TRPM4: variants seen among roughly 807,000 people sequenced by gnomAD.
TRPM4 encodes transient receptor potential cation channel subfamily M member 4.
Under a neutral mutation model 135.6 loss-of-function variants are expected in TRPM4, and 124 were observed. The ratio of observed to expected loss-of-function variants is 0.91; its 90% CI spans 0.79 to 1.06. The LOEUF is 1.06. Among genes scored for constraint, TRPM4 ranks in the 50% least tolerant of loss-of-function variants. The pLI, the probability that TRPM4 is intolerant of heterozygous loss-of-function variation, is 0.00. For synonymous variants in TRPM4, 745 were observed against 705.6 expected (o/e 1.06, Z -0.88); for missense variants, 1,658 against 1,671.4 (o/e 0.99, Z 0.14).
intron 17 of TRPM4, among the ~76,000 whole-genome samples, chr19:49,199,469 C>T (rs573867097): frequency 6.6e-6 from 1 of 152,240 alleles, no homozygotes; most frequent in East Asian, 1.9e-4. Flanking sequence ...CCGTGTTAGC[C>T]AAGATGTTCT....
At chr19:49,179,304 C>T (rs1245054433) in intron 9 of TRPM4, among the ~76,000 whole-genome samples, 3 of 152,052 alleles carry the variant, frequency 2.0e-5, no homozygotes, top group African/African-American at 7.2e-5. Flanking sequence ...ATTCGCCCAC[C>T]TCGGCCTCCC....
At position 49,200,671 on chromosome 19, in the gene TRPM4, G is replaced by T. The variant is rs762319315; in HGVS notation, c.2839G>T (p.Ala947Ser). ...CGTGTGGCTGGTAGCCTATGGCGTG[G>T]CCACGGAGGGGCTCCTGAGGCCACG... ...LGVWLVAYGV[A>S]TEGLLRPRDS... The change falls in exon 19 of 25, where the codon GCC becomes TCC. Residue 947 changes from alanine (A) to serine (S), a missense_variant. Transcript: ENST00000252826. 3.1e-6 allele frequency: 5 copies of T among 1,613,952 alleles called. No homozygotes were observed. The highest frequency in any genetic ancestry group is 4.2e-6 in the Non-Finnish European group (5 of 1,180,016).
At chr19:49,193,611 CAG>C (rs1315892307) in intron 16 of TRPM4, among the ~76,000 whole-genome samples, 1 of 152,098 alleles carries the variant, frequency 6.6e-6, no homozygotes, top group Non-Finnish European at 1.5e-5. Flanking sequence ...AAGATCCCCC[CAG>C]AGAGGCTGGG....
intron 1 of TRPM4, 84 bp from the exon 2 acceptor site, chr19:49,158,107 CG>C: frequency 7.1e-7 from 1 of 1,413,318 alleles, no homozygotes; most frequent in Non-Finnish European, 1.0e-6. Context: ...GGGGAGCGCA[CG>C]GGGTGGGTGG....
rs544853161 is a variant in TRPM4, at chr19:49,211,807, C to T, written c.*309C>T. ...CCCCTCACCACTCACAGATTCCTCA[C>T]ACTGGGGAAATAAAGCCATTTCAGA... On this transcript the variant is annotated 3_prime_UTR_variant, in exon 25 of 25. Transcript: ENST00000252826. This position sits in a 1 kb window ranked among gnomAD's most constrained non-coding sequence, Gnocchi z 4.8. 2.8e-5 allele frequency: 14 copies of T among 509,014 alleles called. No individual in the cohort carries two copies. The South Asian group carries it at 3.5e-4, about 13-fold the overall frequency. The allele number at this position is 509,014 out of a possible 1,614,324, so 31.5% of individuals were successfully genotyped here.
At position 49,182,893 on chromosome 19, in the gene TRPM4, C is replaced by CCTCACCCA; in HGVS notation, c.1580_1587dup (p.Gly530LeufsTer43). ...GTACCCCTCCGGGGGCGCCTGGGACCCTCACCCAGGCCAGGGCTTCGGGGA... is the reference window on the plus strand; with the variant it reads ...GTACCCCTCCGGGGGCGCCTGGGACCCTCACCCACTCACCCAGGCCAGGGCTTCGGGGA... On this transcript the variant is annotated frameshift_variant, in exon 11 of 25. Transcript: ENST00000252826. LOFTEE classifies it high-confidence loss of function. 1 of 1,599,936 alleles carries CCTCACCCA rather than the reference C, an allele frequency of 6.3e-7. No homozygotes were observed. The highest frequency in any genetic ancestry group is 2.2e-5 in the East Asian group (1 of 44,670).
In TRPM4 at chr19:49,172,118, G is replaced by T; in HGVS notation, c.1150+10G>T. The T allele has an allele frequency of 6.3e-7, 1 of 1,589,442 alleles. No homozygotes were observed. Among genetic ancestry groups the T allele is most frequent in the Non-Finnish European group, 8.6e-7 (1 of 1,157,738 alleles). ...AAGGCCCTTGTGAAGGGTAAAAGTTGTACCCTCCAGTCTTCCCCCTCTCTC... is the reference window on the plus strand; with the variant it reads ...AAGGCCCTTGTGAAGGGTAAAAGTTTTACCCTCCAGTCTTCCCCCTCTCTC... On this transcript the variant is annotated intron_variant, in intron 9 of 24. Transcript: ENST00000252826.
At chr19:49,176,026 C>G (rs1480092267) in intron 9 of TRPM4, among the ~76,000 whole-genome samples, 4 of 149,550 alleles carry the variant, frequency 2.7e-5, no homozygotes, top group Admixed American at 1.4e-4. Context: ...CAGGTTTAAG[C>G]GATTCTCCTG....
At chr19:49,204,556 G>A (rs1013705302) in intron 20 of TRPM4, among the ~76,000 whole-genome samples, 1 of 151,938 alleles carries the variant, frequency 6.6e-6, no homozygotes, top group Non-Finnish European at 1.5e-5. Context: ...GCAACATAGC[G>A]AGGCTGCTGT....
At position 49,167,902 on chromosome 19, in the gene TRPM4, C is replaced by T; in HGVS notation, c.268-15C>T. 6.2e-7 allele frequency: 1 copy of T among 1,613,434 alleles called. No individual in the cohort carries two copies. The highest frequency in any genetic ancestry group is 8.5e-7 in the Non-Finnish European group (1 of 1,179,604). ...TGTCCCCCTCCCTGTGTGCCCCGCT[C>T]CCATGTGTCCACAGTTCCTCCGGCT... On this transcript the variant is annotated splice_polypyrimidine_tract_variant and intron_variant, in intron 3 of 24. Transcript: ENST00000252826.
intron 10 of TRPM4, 129 bp downstream of exon 10, chr19:49,181,590 G>A: frequency 1.5e-6 from 1 of 667,728 alleles, no homozygotes; most frequent in Non-Finnish European, 2.5e-6. Context: ...GGAGTGCAGA[G>A]GTGTGATCCC....
In TRPM4 at chr19:49,211,790, C is replaced by A; in HGVS notation, c.*292C>A. 1 of 548,474 alleles carries A rather than the reference C, an allele frequency of 1.8e-6. No individual in the cohort carries two copies. The highest frequency in any genetic ancestry group is 3.1e-5 in the East Asian group (1 of 32,650). The allele number at this position is 548,474 out of a possible 1,614,324, so 34.0% of individuals were successfully genotyped here. A position where few individuals can be genotyped will look rare whatever the true frequency, so the allele number is the denominator to read the frequency against. On this transcript the variant is annotated 3_prime_UTR_variant, in exon 25 of 25. Transcript: ENST00000252826. This position sits in a 1 kb window ranked among gnomAD's most constrained non-coding sequence, Gnocchi z 4.8. ...GTAACAGGGACCACAGACCCCTCAC[C>A]ACTCACAGATTCCTCACACTGGGGA...
At chr19:49,162,201 G>A (rs558350671) in intron 2 of TRPM4, among the ~76,000 whole-genome samples, 2 of 152,270 alleles carry the variant, frequency 1.3e-5, no homozygotes, top group South Asian at 4.1e-4. Flanking sequence ...CTGAATAAGG[G>A]CCGTTGTATA....
rs142257045 is a variant in TRPM4 at position 49,196,649 on chromosome 19, C to A, written c.2420C>A (p.Pro807Gln). The change falls in exon 17 of 25, where the codon CCG becomes CAG. Residue 807 changes from proline to glutamine, a missense_variant. By Grantham distance (76) the Pro-to-Gln change is moderately conservative. This residue lies in a region of TRPM4 where 1,412 missense variants were observed against 1,408.7 expected (regional missense o/e 1.00). Transcript: ENST00000252826. ...FSRVLLVDFQ[P>Q]APPGSLELLL... ...CGGGTGCTGCTCGTGGATTTCCAGC[C>A]GGCGCCGCCCGGCTCCCTGGAGCTG... The A allele has an allele frequency of 1.3e-6, 2 of 1,546,226 alleles. No individual in the cohort carries two copies. Among genetic ancestry groups the A allele is most frequent in the African/African-American group, 1.4e-5 (1 of 73,368 alleles).
rs935907821 is a variant in TRPM4 at position 49,185,552 on chromosome 19, C to CT, written c.1743+2348dup. On this transcript the variant is annotated intron_variant, in intron 12 of 24. Transcript: ENST00000252826. ...CACCATGCCTGGTCTCTATTAATTT[C>CT]TTTTTTTTCCAGTATATGAACCATA... Among the ~76,000 whole-genome samples the CT allele has an allele frequency of 6.6e-5, 10 of 150,990 alleles. No individual in the cohort carries two copies. In the South Asian group the frequency reaches 8.4e-4, roughly 13 times the overall value.
Position 49,211,213 on chromosome 19 carries a change from G to T in TRPM4, c.3584G>T (p.Arg1195Leu). ...GGGTGGGTGGCCGAGGCCCTGAGCC[G>T]CTCTGCCTTGCTGCCCCCAGGTGGG... ...VLGWVAEALS[R>L]SALLPPGGPP... Residue 1195 changes from arginine to leucine, a missense_variant, in exon 24 of 25, where the codon CGC becomes CTC. Transcript: ENST00000252826. The surrounding 1 kb of genome is among the most constrained non-coding windows in gnomAD (Gnocchi z 4.8). The T allele has an allele frequency of 6.3e-7, 1 of 1,598,282 alleles. No homozygotes were observed. The highest frequency in any genetic ancestry group is 8.5e-7 in the Non-Finnish European group (1 of 1,173,100).
At position 49,183,200 on chromosome 19, in the gene TRPM4, C is replaced by T. The variant is rs763045976; in HGVS notation, c.1731C>T (p.Tyr577=). 6.2e-7 allele frequency: 1 copy of T among 1,614,158 alleles called. No individual in the cohort carries two copies. The highest frequency in any genetic ancestry group is 8.5e-7 in the Non-Finnish European group (1 of 1,180,040). ...LLLNRAQMAM[Y]FWEMGSNAVS... is the part of the protein sequence containing the mutation. ...TGAACAGGGCACAGATGGCCATGTACTTCTGGGAGATGGTGAGTGCTGACT... is the reference window on the plus strand; with the variant it reads ...TGAACAGGGCACAGATGGCCATGTATTTCTGGGAGATGGTGAGTGCTGACT... The change falls in exon 12 of 25, where the codon TAC becomes TAT. Residue 577 remains tyrosine, a synonymous_variant. Coordinates refer to ENST00000252826, the MANE Select transcript of TRPM4 (RefSeq NM_017636.4).
At position 49,206,696 on chromosome 19, in the gene TRPM4, C is replaced by T. The variant is rs141297360; in HGVS notation, c.3132-3513C>T. 6.4e-3 allele frequency among the ~76,000 whole-genome samples: 973 copies of T among 152,236 alleles called. 6 individuals are homozygous for T. The highest frequency in any genetic ancestry group is 0.022 in the African/African-American group (926 of 41,542). On this transcript the variant is annotated intron_variant, in intron 20 of 24. Transcript: ENST00000252826. ...TCAGGTGATCCACCCGCCTTGGCCT[C>T]CCAAAGTTCTGGGATTACAGGTGTG... is the stretch of plus-strand genomic sequence containing the variant.
rs1031953202 is a variant in TRPM4, at chr19:49,196,421, C to G, written c.2211-19C>G. 3.9e-6 allele frequency: 6 copies of G among 1,525,406 alleles called. No individual in the cohort carries two copies. In the African/African-American group the frequency reaches 8.3e-5, roughly 21 times the overall value. 94.5% of individuals were successfully genotyped at this position (1,525,406 alleles called of 1,614,324 possible). On this transcript the variant is annotated intron_variant, in intron 16 of 24. Coordinates refer to ENST00000252826, the MANE Select transcript of TRPM4 (RefSeq NM_017636.4). ...AGGTCAGAGTGAGGCCTCCTCCCTT[C>G]TCTTCTCTTCCCCCACAGGACGGCG...
Sources: allele counts gnomAD v4.1 joint callset (sites outside exome capture counted in the v4.1 genomes callset), GRCh38; gene constraint gnomAD v4.1.1; regional missense constraint gnomAD v4.1.1; non-coding constraint Gnocchi (gnomAD v3.1); transcripts MANE v1.5; gene names NCBI Gene and HGNC (gene_info 2026-07-23, HGNC 2026-07-21).